LRBA: variants seen among roughly 807,000 people sequenced by gnomAD.
LRBA encodes the protein lipopolysaccharide-responsive and beige-like anchor protein.
A neutral mutation model predicts 330.0 loss-of-function variants in LRBA; 176 were observed. The ratio of observed to expected loss-of-function variants is 0.53; its 90% CI spans 0.47 to 0.60. The LOEUF is 0.60. Ranked by LOEUF, LRBA falls within the 20% of genes least tolerant of loss-of-function variation. LRBA has a pLI of 0.00. For synonymous variants in LRBA, 1,230 were observed against 1,193.0 expected, an observed-to-expected ratio of 1.03 and a Z score of -0.64; for missense variants, 3,259 against 3,444.8, an observed-to-expected ratio of 0.95 and a Z score of 1.35.
Position 150,916,261 on chromosome 4 carries a change from A to C in LRBA, c.894+140T>G, listed in dbSNP as rs1463986000. 3.9e-6 allele frequency: 3 copies of C among 761,262 alleles called. No individual in the cohort carries two copies. In the African/African-American group the frequency reaches 5.3e-5, roughly 14 times the overall value. The allele number at this position is 761,262 out of a possible 1,614,324, so 47.2% of individuals were successfully genotyped here. ...TCCAAATCAGAGAGGTCAATTATTC[A>C]GTGATTTACGCTTCATCTTTTTAAA... On this transcript the variant is annotated intron_variant, in intron 7 of 56. Coordinates refer to ENST00000651943, the MANE Select transcript of LRBA (RefSeq NM_001364905.1).
intron 19 of LRBA, among the ~76,000 whole-genome samples, chr4:150,870,874 A>T (rs992218828): frequency 5.9e-5 from 9 of 152,242 alleles, no homozygotes; most frequent in African/African-American, 2.2e-4. Context: ...TACTGTTTAG[A>T]AATTCACAGA....
At chr4:150,452,864 A>T (rs1259671060) in intron 44 of LRBA, among the ~76,000 whole-genome samples, 6 of 152,196 alleles carry the variant, frequency 3.9e-5, no homozygotes, top group Non-Finnish European at 8.8e-5. Context: ...TGAGTTTAGC[A>T]AGGATGCAGA....
Position 150,265,201 on chromosome 4 carries a change from C to CTTAA in LRBA, c.*517_*520dup, listed in dbSNP as rs1416879517. 2 of 154,958 alleles carry CTTAA rather than the reference C, an allele frequency of 1.3e-5. No individual in the cohort carries two copies. Among genetic ancestry groups the CTTAA allele is most frequent in the East Asian group, 3.8e-4 (2 of 5,296 alleles). 9.6% of individuals were successfully genotyped at this position (154,958 alleles called of 1,614,324 possible). On this transcript the variant is annotated 3_prime_UTR_variant, in exon 57 of 57. Coordinates refer to ENST00000651943, the MANE Select transcript of LRBA (RefSeq NM_001364905.1). ...TTGAAGAACAATATTGATAGACAGACTTAATTGAGATGTTTTAAATTACAT... is the reference window on the plus strand; with the variant it reads ...TTGAAGAACAATATTGATAGACAGACTTAATTAATTGAGATGTTTTAAATTACAT...
At chr4:150,851,398 G>A (rs1750599840) in intron 23 of LRBA, among the ~76,000 whole-genome samples, 1 of 152,188 alleles carries the variant, frequency 6.6e-6, no homozygotes. Context: ...TGTCTCATGG[G>A]TCACTCTGAG....
intron 38 of LRBA, among the ~76,000 whole-genome samples, chr4:150,592,598 T>C (rs1474136635): frequency 1.3e-5 from 2 of 152,124 alleles, no homozygotes; most frequent in African/African-American, 4.8e-5. Flanking sequence ...TTTGAAAAGA[T>C]TACTTTAGTG....
chr4:150,807,974 A>T (rs931023586), intron 32 of LRBA, among the ~76,000 whole-genome samples: 1 of 152,130 alleles, frequency 6.6e-6, no homozygotes, highest in African/African-American at 2.4e-5. Context: ...ATAGAGGAGA[A>T]ACAACAAATT....
intron 44 of LRBA, among the ~76,000 whole-genome samples, chr4:150,449,602 G>A (rs565690044): frequency 3.7e-4 from 56 of 151,160 alleles, no homozygotes; most frequent in African/African-American, 1.3e-3. Context: ...AGAGAGTAGA[G>A]CAAGAACAGT....
intron 44 of LRBA, among the ~76,000 whole-genome samples, chr4:150,443,138 C>A (rs973762352): frequency 1.3e-5 from 2 of 152,136 alleles, no homozygotes; most frequent in South Asian, 2.1e-4. Flanking sequence ...TGGTTACCAG[C>A]CAGTGGCAGC....
At chr4:150,417,371 C>A (rs1388896646) in intron 46 of LRBA, among the ~76,000 whole-genome samples, 2 of 151,794 alleles carry the variant, frequency 1.3e-5, no homozygotes, top group Non-Finnish European at 2.9e-5. Flanking sequence ...CAAATTTTAC[C>A]AAAATATGTT....
chr4:151,001,382 C>A lies in LRBA; in HGVS notation c.216+13045G>T, dbSNP rs1743306775. On this transcript the variant is annotated intron_variant, in intron 2 of 56. Transcript: ENST00000651943. ...GGAACCACCCTGTCCCTTCTTACCA[C>A]AGTAGGTGTCTGCACATATTGTTGG... Among the ~76,000 whole-genome samples, 4 of 152,156 alleles carry A rather than the reference C, an allele frequency of 2.6e-5. No individual in the cohort carries two copies. In the South Asian group the frequency reaches 8.3e-4, roughly 32 times the overall value.
chr4:150,834,436 A>G (rs1020076278), intron 28 of LRBA, among the ~76,000 whole-genome samples: 2 of 152,246 alleles, frequency 1.3e-5, no homozygotes, highest in African/African-American at 4.8e-5. Context: ...GCATGAAAAT[A>G]ACATGAATCT....
chr4:150,625,058 A>G (rs889665182), intron 37 of LRBA, among the ~76,000 whole-genome samples: 1 of 152,244 alleles, frequency 6.6e-6, no homozygotes, highest in Non-Finnish European at 1.5e-5. Flanking sequence ...AAATTGAAAA[A>G]TGTATGTTAA....
chr4:150,277,891 G>C lies in LRBA; in HGVS notation c.8430C>G (p.Asp2810Glu), dbSNP rs766472618. 8 of 1,614,026 alleles carry C rather than the reference G, an allele frequency of 5.0e-6. No individual in the cohort carries two copies. In the Admixed American group the frequency reaches 1.3e-4, roughly 27 times the overall value. Residue 2810 changes from aspartate to glutamate, a missense_variant, in exon 56 of 57, where the codon GAC (aspartate) becomes GAG (glutamate). Coordinates refer to ENST00000651943, the MANE Select transcript of LRBA (RefSeq NM_001364905.1). ...LKQLFAYPGC[D>E]AGIRAMALSY... is the part of the protein sequence containing the mutation. Reference sequence around the variant, plus strand: ...ACAGCGCCATGGCCCGGATTCCAGCGTCACATCCTGGATAGGCAAAGAGCT... The same window carrying C: ...ACAGCGCCATGGCCCGGATTCCAGCCTCACATCCTGGATAGGCAAAGAGCT...
At chr4:150,722,560 A>C (rs1729075134) in intron 36 of LRBA, among the ~76,000 whole-genome samples, 1 of 152,128 alleles carries the variant, frequency 6.6e-6, no homozygotes, top group Non-Finnish European at 1.5e-5. Context: ...TAAAAGGAAC[A>C]TACAAGTGAC....
At chr4:150,411,882 T>TA (rs1309667590) in intron 47 of LRBA, among the ~76,000 whole-genome samples, 1 of 152,038 alleles carries the variant, frequency 6.6e-6, no homozygotes, top group Non-Finnish European at 1.5e-5. Flanking sequence ...ATTGAAGTGG[T>TA]AAACCAAAAA....
intron 31 of LRBA, among the ~76,000 whole-genome samples, chr4:150,814,416 A>C (rs954407418): frequency 2.6e-5 from 4 of 152,012 alleles, no homozygotes; most frequent in African/African-American, 4.8e-5. Flanking sequence ...ACACTAGATT[A>C]GGTTAGATTT....
intron 40 of LRBA, chr4:150,582,998 C>T (rs1771594016): frequency 6.5e-7 from 1 of 1,541,884 alleles, no homozygotes; most frequent in Non-Finnish European, 8.7e-7. Flanking sequence ...TATTGCGAGA[C>T]GCCGGTGTAT....
chr4:150,380,003 TA>T (rs371691815), intron 47 of LRBA, among the ~76,000 whole-genome samples: 4,026 of 114,928 alleles, frequency 0.035, 138 homozygotes, highest in African/African-American at 0.09. Context: ...TTTCTACTAC[TA>T]AAAAAAAAAA....
In LRBA at chr4:150,374,310, A is replaced by C. The variant is rs186463227; in HGVS notation, c.7195-24151T>G. Among the ~76,000 whole-genome samples the C allele has an allele frequency of 2.1e-3, 326 of 152,324 alleles. 1 individual carries two copies. The highest frequency in any genetic ancestry group is 6.5e-3 in the Admixed American group (100 of 15,302). On this transcript the variant is annotated intron_variant, in intron 47 of 56. Coordinates refer to ENST00000651943, the MANE Select transcript of LRBA (RefSeq NM_001364905.1). ...GTCTCCCTTATAACCTGATAAGGCCATGTGCTCAAGTTATGGCTAATGAGA... is the reference window on the plus strand; with the variant it reads ...GTCTCCCTTATAACCTGATAAGGCCCTGTGCTCAAGTTATGGCTAATGAGA...
Sources: gnomAD v4.1 joint callset for allele counts (sites outside exome capture counted in the v4.1 genomes callset) on GRCh38, gnomAD v4.1.1 for gene constraint, MANE v1.5 for transcripts, NCBI Gene and HGNC (gene_info 2026-07-23, HGNC 2026-07-21) for gene names.